The following SYT1 variants were observed in gnomAD, a reference collection of about 807,000 sequenced individuals.
SYT1 encodes synaptotagmin-1.
SYT1 carries 8 observed loss-of-function variants against 44.8 expected under a neutral mutation model. The observed-to-expected ratio is 0.18, with a 90% CI of 0.10 to 0.32. SYT1 has a LOEUF of 0.32. SYT1 is among the 10% of genes least tolerant of loss of function. SYT1 has a pLI of 1.00. For missense variants in SYT1, 286 were observed against 509.3 expected (o/e 0.56, Z 4.22); for synonymous variants, 154 against 188.8 (o/e 0.82, Z 1.51).
chr12:79,216,293 G>GT lies in SYT1; in HGVS notation c.-17-1205dup, dbSNP rs1874800789. ...TCTCCACGTCTTTGCAAATTAAAAG[G>GT]TTTTTATAAGTTCGTCTACTTTCCT... On this transcript the variant is annotated intron_variant, in intron 3 of 10. Coordinates refer to ENST00000261205, the MANE Select transcript of SYT1 (RefSeq NM_005639.3). Among the ~76,000 whole-genome samples, 3 of 152,118 alleles carry GT rather than the reference G, an allele frequency of 2.0e-5. No homozygotes were observed. In the South Asian group the frequency reaches 6.2e-4, roughly 32 times the overall value.
intron 9 of SYT1, among the ~76,000 whole-genome samples, chr12:79,438,585 T>G (rs1299215944): frequency 6.6e-6 from 1 of 152,272 alleles, no homozygotes; most frequent in Non-Finnish European, 1.5e-5. Flanking sequence ...GGCTGCCCAT[T>G]TGGCAGAGTT....
At chr12:78,951,833 G>A (rs1400116387) in intron 1 of SYT1, among the ~76,000 whole-genome samples, 1 of 152,092 alleles carries the variant, frequency 6.6e-6, no homozygotes, top group Non-Finnish European at 1.5e-5. Context: ...CAGTGATTTG[G>A]CTACGTGAGT....
At chr12:79,336,838 A>G (rs1366306648) in intron 8 of SYT1, among the ~76,000 whole-genome samples, 3 of 151,844 alleles carry the variant, frequency 2.0e-5, no homozygotes, top group African/African-American at 4.8e-5. Context: ...ATTTATTTTT[A>G]TTATTTTTTA....
chr12:79,065,726 T>C (rs1053134388), intron 3 of SYT1, among the ~76,000 whole-genome samples: 6 of 152,166 alleles, frequency 3.9e-5, no homozygotes, highest in Non-Finnish European at 5.9e-5. Context: ...CTCCCACTAT[T>C]TGTTGAGATC....
At chr12:79,257,777 G>A (rs1398513485) in intron 4 of SYT1, among the ~76,000 whole-genome samples, 1 of 152,146 alleles carries the variant, frequency 6.6e-6, no homozygotes, top group Non-Finnish European at 1.5e-5. Context: ...GTGAGCCACC[G>A]CGCGAATAAA....
chr12:78,929,832 A>G (rs1398188712), intron 1 of SYT1, among the ~76,000 whole-genome samples: 1 of 152,202 alleles, frequency 6.6e-6, no homozygotes, highest in Non-Finnish European at 1.5e-5. Flanking sequence ...TTTTGTATGT[A>G]TGATTTTATA....
At position 79,178,960 on chromosome 12, in the gene SYT1, A is replaced by ATC. The variant is rs1491184197; in HGVS notation, c.-17-38543_-17-38542insTC. On this transcript the variant is annotated intron_variant, in intron 3 of 10. Transcript: ENST00000261205. ...TAGATATAGATATAGATATAGATAT[A>ATC]GATATAGATATATAGATATAGATAT... 3.8e-3 allele frequency among the ~76,000 whole-genome samples: 282 copies of ATC among 74,326 alleles called. 32 individuals are homozygous for ATC. Among genetic ancestry groups the ATC allele is most frequent in the African/African-American group, 8.0e-3 (121 of 15,044 alleles). 48.8% of individuals were successfully genotyped at this position (74,326 alleles called of 152,430 possible).
chr12:79,397,976 G>A lies in SYT1; in HGVS notation c.928+44357G>A, dbSNP rs1048280101. 2.0e-5 allele frequency among the ~76,000 whole-genome samples: 3 copies of A among 152,272 alleles called. No homozygotes were observed. In the South Asian group the frequency reaches 6.2e-4, roughly 32 times the overall value. ...GGTGCAGCTTTTTAGTCTTGTAACC[G>A]AATGAGGTTAGGTTATGTTCATGCT... On this transcript the variant is annotated intron_variant, in intron 9 of 10. Transcript: ENST00000261205.
intron 3 of SYT1, among the ~76,000 whole-genome samples, chr12:79,189,346 A>G (rs1452573566): frequency 1.3e-5 from 2 of 152,172 alleles, no homozygotes; most frequent in Non-Finnish European, 1.5e-5. Context: ...TATAGAAGGA[A>G]TTCTATCAAA....
intron 3 of SYT1, among the ~76,000 whole-genome samples, chr12:79,081,752 A>G (rs539446440): frequency 1.3e-5 from 2 of 152,016 alleles, no homozygotes; most frequent in Admixed American, 6.6e-5. Flanking sequence ...TTCTCTCTGT[A>G]TTCCACAGTT....
chr12:79,319,970 C>T (rs1416094975), intron 8 of SYT1, among the ~76,000 whole-genome samples: 1 of 152,138 alleles, frequency 6.6e-6, no homozygotes, highest in Non-Finnish European at 1.5e-5. Context: ...TTAATGTTCT[C>T]CAAATAGTAT....
intron 3 of SYT1, among the ~76,000 whole-genome samples, chr12:79,164,814 T>C (rs748521570): frequency 6.6e-6 from 1 of 151,950 alleles, no homozygotes; most frequent in South Asian, 2.1e-4. Context: ...AAATGGCAAA[T>C]GAACAAAGGG....
chr12:78,980,767 AT>A (rs891752560), intron 2 of SYT1, among the ~76,000 whole-genome samples: 3 of 152,214 alleles, frequency 2.0e-5, no homozygotes, highest in African/African-American at 7.2e-5. Flanking sequence ...TAGACAAAAA[AT>A]ATTACATTAT....
chr12:78,917,037 C>A (rs1341724160), intron 1 of SYT1, among the ~76,000 whole-genome samples: 11 of 152,006 alleles, frequency 7.2e-5, no homozygotes, highest in African/African-American at 1.7e-4. Flanking sequence ...AGCAATCCTA[C>A]CACTTCAGCC....
At chr12:79,094,279 C>G (rs1436848735) in intron 3 of SYT1, among the ~76,000 whole-genome samples, 1 of 151,704 alleles carries the variant, frequency 6.6e-6, no homozygotes, top group Non-Finnish European at 1.5e-5. Context: ...TATTTAATTA[C>G]TTTAAAACCA....
intron 3 of SYT1, among the ~76,000 whole-genome samples, chr12:79,118,702 T>C (rs1170567892): frequency 1.3e-5 from 2 of 152,190 alleles, no homozygotes; most frequent in African/African-American, 4.8e-5. Flanking sequence ...ATTATCTGAG[T>C]TTTACAGGTG....
At chr12:79,198,449 C>G (rs1873587921) in intron 3 of SYT1, among the ~76,000 whole-genome samples, 1 of 151,982 alleles carries the variant, frequency 6.6e-6, no homozygotes, top group Non-Finnish European at 1.5e-5. Context: ...GTTTCTAAGC[C>G]TTCTAAAAGG....
At chr12:79,400,265 C>T (rs895233355) in intron 9 of SYT1, among the ~76,000 whole-genome samples, 1 of 152,100 alleles carries the variant, frequency 6.6e-6, no homozygotes, top group South Asian at 2.1e-4. Flanking sequence ...AGTTGAGCCA[C>T]GATTTCATCA....
At chr12:79,007,982 G>T (rs922147144) in intron 2 of SYT1, among the ~76,000 whole-genome samples, 1 of 151,850 alleles carries the variant, frequency 6.6e-6, no homozygotes, top group African/African-American at 2.4e-5. Flanking sequence ...TGTTAGCCAG[G>T]ATCACTGCCC....
Sources: allele counts gnomAD v4.1 joint callset (sites outside exome capture counted in the v4.1 genomes callset), GRCh38; gene constraint gnomAD v4.1.1; transcripts MANE v1.5; gene names NCBI Gene and HGNC (gene_info 2026-07-23, HGNC 2026-07-21).